The following PCSK2 variants were observed in gnomAD, a reference collection of about 807,000 sequenced individuals.
PCSK2 encodes the protein proprotein convertase subtilisin/kexin type 2.
PCSK2 carries 14 observed loss-of-function variants against 69.7 expected under a neutral mutation model. The ratio of observed to expected loss-of-function variants is 0.20; its 90% confidence interval spans 0.13 to 0.31. The LOEUF (loss-of-function observed/expected upper bound fraction) is 0.31, where lower values mean the gene tolerates loss of function less well. Ranked by LOEUF, PCSK2 falls within the 10% of genes least tolerant of loss-of-function variation. The pLI, the probability that PCSK2 is intolerant of heterozygous loss-of-function variation, is 1.00. For missense variants in PCSK2, 544 were observed against 842.5 expected (o/e 0.65, Z 4.39); for synonymous variants, 307 against 320.7 (o/e 0.96, Z 0.46).
At chr20:17,443,682 T>C (rs553045682) in intron 8 of PCSK2, among the ~76,000 whole-genome samples, 6 of 152,170 alleles carry the variant, frequency 3.9e-5, no homozygotes, top group Non-Finnish European at 7.3e-5. Flanking sequence ...TGGGTGCCCC[T>C]GTCATTTTCC....
At chr20:17,333,910 C>CATACAT (rs1990270530) in intron 2 of PCSK2, among the ~76,000 whole-genome samples, 2 of 86,372 alleles carry the variant, frequency 2.3e-5, no homozygotes, top group Admixed American at 2.9e-4. Flanking sequence ...TAAGTCACTG[C>CATACAT]ATATATATAT....
At chr20:17,305,849 C>A (rs567991765) in intron 2 of PCSK2, among the ~76,000 whole-genome samples, 2 of 152,108 alleles carry the variant, frequency 1.3e-5, no homozygotes, top group African/African-American at 2.4e-5. Context: ...TTAATCAAAC[C>A]TTTGCAGGTT....
At chr20:17,434,567 T>A (rs1441084645) in intron 7 of PCSK2, among the ~76,000 whole-genome samples, 1 of 152,112 alleles carries the variant, frequency 6.6e-6, no homozygotes, top group Non-Finnish European at 1.5e-5. Context: ...CACTCTGAGG[T>A]TCTTGCGCAG....
intron 2 of PCSK2, among the ~76,000 whole-genome samples, chr20:17,279,051 C>G (rs1988206285): frequency 6.6e-6 from 1 of 152,154 alleles, no homozygotes; most frequent in South Asian, 2.1e-4. Flanking sequence ...CAGCTCACAC[C>G]TCTTACCCTA....
intron 11 of PCSK2, among the ~76,000 whole-genome samples, chr20:17,479,980 T>G (rs1362985136): frequency 6.6e-6 from 1 of 151,744 alleles, no homozygotes; most frequent in East Asian, 1.9e-4. Flanking sequence ...GCGGTTTCCT[T>G]TTTTCCTTCT....
intron 2 of PCSK2, among the ~76,000 whole-genome samples, chr20:17,318,044 T>C (rs974994961): frequency 6.6e-6 from 1 of 152,252 alleles, no homozygotes; most frequent in African/African-American, 2.4e-5. Context: ...GTGTCAGTCA[T>C]CTCCAGCATT....
intron 2 of PCSK2, among the ~76,000 whole-genome samples, chr20:17,339,110 C>T (rs563076596): frequency 6.6e-6 from 1 of 152,302 alleles, no homozygotes; most frequent in Non-Finnish European, 1.5e-5. Context: ...GGATACACAG[C>T]ACTTTTCAGA....
chr20:17,402,678 G>A (rs1468235025), intron 5 of PCSK2, among the ~76,000 whole-genome samples: 106 of 77,628 alleles, frequency 1.4e-3, no homozygotes, highest in African/African-American at 4.6e-3. Context: ...AAAAAAAAAA[G>A]GCATGGTGGC....
intron 6 of PCSK2, among the ~76,000 whole-genome samples, chr20:17,410,896 G>C (rs2031856684): frequency 6.6e-6 from 1 of 152,198 alleles, no homozygotes; most frequent in Non-Finnish European, 1.5e-5. Context: ...ATGAATATCA[G>C]AAAGTGCAGT....
At chr20:17,290,403 T>C (rs1988658369) in intron 2 of PCSK2, among the ~76,000 whole-genome samples, 1 of 152,248 alleles carries the variant, frequency 6.6e-6, no homozygotes, top group South Asian at 2.1e-4. Context: ...TTTTCTCATT[T>C]AAATTTCTAA....
intron 4 of PCSK2, among the ~76,000 whole-genome samples, chr20:17,362,677 A>C (rs1236300492): frequency 6.6e-6 from 1 of 152,226 alleles, no homozygotes; most frequent in East Asian, 1.9e-4. Context: ...AGTCCTCTTA[A>C]AGGCTAGACC....
intron 6 of PCSK2, among the ~76,000 whole-genome samples, chr20:17,413,033 A>T (rs1381366488): frequency 6.6e-6 from 1 of 152,206 alleles, no homozygotes; most frequent in African/African-American, 2.4e-5. Context: ...TGAAGGAAGC[A>T]CTAAACATGG....
intron 2 of PCSK2, among the ~76,000 whole-genome samples, chr20:17,305,388 T>G (rs1989294480): frequency 6.6e-6 from 1 of 152,170 alleles, no homozygotes; most frequent in Non-Finnish European, 1.5e-5. Context: ...GGAAATGTTC[T>G]GATGGAGCTA....
chr20:17,355,273 G>A (rs991497452), intron 2 of PCSK2, among the ~76,000 whole-genome samples: 6 of 152,174 alleles, frequency 3.9e-5, no homozygotes, highest in Admixed American at 1.3e-4. Context: ...TTGTTCTTAC[G>A]CTACTGAGAA....
intron 9 of PCSK2, among the ~76,000 whole-genome samples, chr20:17,454,954 T>G (rs2032893329): frequency 6.6e-6 from 1 of 152,166 alleles, no homozygotes. Context: ...CCACGAGCCC[T>G]CCTGCATTCC....
Position 17,356,515 on chromosome 20 carries a change from GA to G in PCSK2, c.283-1811del, listed in dbSNP as rs1295257450. ...ATCCTCTGCAAGGCAGTGCAGTAAG[GA>G]GGGGAAGGGTTTTCTGCCACGTCTG... On this transcript the variant is annotated intron_variant, in intron 2 of 11. Coordinates refer to ENST00000262545, the MANE Select transcript of PCSK2 (RefSeq NM_002594.5). 2.0e-5 allele frequency among the ~76,000 whole-genome samples: 3 copies of G among 152,288 alleles called. No homozygotes were observed. In the East Asian group the frequency reaches 5.8e-4, roughly 29 times the overall value.
chr20:17,263,168 C>CT, intron 2 of PCSK2: 15 of 979,318 alleles, frequency 1.5e-5, no homozygotes, highest in Non-Finnish European at 1.8e-5. Context: ...TACTTTTTGG[C>CT]TTTTTTTGAC....
intron 2 of PCSK2, among the ~76,000 whole-genome samples, chr20:17,342,864 C>G (rs1376069915): frequency 6.6e-6 from 1 of 151,748 alleles, no homozygotes; most frequent in Non-Finnish European, 1.5e-5. Context: ...CTATATTGCC[C>G]AGGCTTGTCT....
Position 17,356,740 on chromosome 20 carries a change from G to A in PCSK2, c.283-1587G>A, listed in dbSNP as rs118097082. On this transcript the variant is annotated intron_variant, in intron 2 of 11. Transcript: ENST00000262545. ...CTGGAGGATCAGTCTTGAAAGCTCC[G>A]GGGCTGGGTTGCAGGAACATAGTGA... 3.7e-3 allele frequency among the ~76,000 whole-genome samples: 557 copies of A among 152,286 alleles called. 11 individuals carry two copies. In the East Asian group the frequency reaches 0.041, roughly 11 times the overall value.
Sources: gnomAD v4.1 joint callset for allele counts (sites outside exome capture counted in the v4.1 genomes callset) on GRCh38, gnomAD v4.1.1 for gene constraint, MANE v1.5 for transcripts, NCBI Gene and HGNC (gene_info 2026-07-23, HGNC 2026-07-21) for gene names.